BICD1: variants seen among roughly 807,000 people sequenced by gnomAD.
The protein encoded by BICD1 is protein bicaudal D homolog 1.
BICD1 carries 35 observed loss-of-function variants against 92.5 expected under a neutral mutation model. The ratio of observed to expected loss-of-function variants is 0.38; its 90% confidence interval spans 0.29 to 0.50. The LOEUF (loss-of-function observed/expected upper bound fraction) is 0.50, where lower values mean the gene tolerates loss of function less well. Among genes scored for constraint, BICD1 ranks in the 20% least tolerant of loss-of-function variants. The pLI is 0.93. For missense variants in BICD1, 950 were observed against 1,189.8 expected (o/e 0.80, Z 2.97); for synonymous variants, 429 against 465.1 (o/e 0.92, Z 1.00).
intron 4 of BICD1, among the ~76,000 whole-genome samples, chr12:32,319,297 A>G (rs1352135821): frequency 6.6e-6 from 1 of 152,172 alleles, no homozygotes; most frequent in African/African-American, 2.4e-5. Flanking sequence ...TTTTATTATC[A>G]CAAATGGATA....
At chr12:32,179,065 A>G (rs1944199823) in intron 1 of BICD1, among the ~76,000 whole-genome samples, 1 of 152,022 alleles carries the variant, frequency 6.6e-6, no homozygotes, top group Admixed American at 6.6e-5. Flanking sequence ...GGATATATGG[A>G]GTATTAACTG....
chr12:32,280,885 T>G (rs1151038), intron 2 of BICD1, among the ~76,000 whole-genome samples: 96,420 of 152,072 alleles, frequency 0.63, 30,787 homozygotes, highest in South Asian at 0.71. Flanking sequence ...GCTACCTTTG[T>G]ATTGTTCAAA....
chr12:32,332,075 C>T (rs1325793793), intron 5 of BICD1, among the ~76,000 whole-genome samples: 1 of 152,164 alleles, frequency 6.6e-6, no homozygotes, highest in Non-Finnish European at 1.5e-5. Context: ...TTTACAGGGA[C>T]ATGGTTGGAG....
chr12:32,167,941 A>G (rs1315747909), intron 1 of BICD1, among the ~76,000 whole-genome samples: 1 of 151,746 alleles, frequency 6.6e-6, no homozygotes, highest in Admixed American at 6.6e-5. Context: ...CCTTGTGATT[A>G]TTTTCCTCAT....
chr12:32,320,564 C>T (rs1410567548), intron 4 of BICD1, among the ~76,000 whole-genome samples: 1 of 152,030 alleles, frequency 6.6e-6, no homozygotes, highest in African/African-American at 2.4e-5. Context: ...ATTGCTTGAA[C>T]TGGGAGGCAG....
chr12:32,183,247 C>T (rs528628006), intron 1 of BICD1, among the ~76,000 whole-genome samples: 1 of 148,472 alleles, frequency 6.7e-6, no homozygotes, highest in African/African-American at 2.5e-5. Context: ...GCTTTTAGGC[C>T]ATTTTACTAA....
At chr12:32,125,593 C>T (rs866202670) in intron 1 of BICD1, among the ~76,000 whole-genome samples, 9 of 152,188 alleles carry the variant, frequency 5.9e-5, no homozygotes, top group African/African-American at 7.2e-5. Flanking sequence ...ATACAGTGGT[C>T]CTGTGGTCTA....
chr12:32,160,234 G>C (rs1943560774), intron 1 of BICD1, among the ~76,000 whole-genome samples: 1 of 152,160 alleles, frequency 6.6e-6, no homozygotes, highest in South Asian at 2.1e-4. Context: ...CCTTTGCCAG[G>C]CAGCCTCGGC....
chr12:32,231,922 A>G (rs976306101), intron 2 of BICD1, among the ~76,000 whole-genome samples: 1 of 151,504 alleles, frequency 6.6e-6, no homozygotes, highest in African/African-American at 2.4e-5. Context: ...TGAACTCATC[A>G]TTTTTTATGG....
intron 1 of BICD1, among the ~76,000 whole-genome samples, chr12:32,156,419 T>C (rs139268387): frequency 2.3e-4 from 35 of 152,296 alleles, no homozygotes; most frequent in African/African-American, 7.7e-4. Flanking sequence ...TAAAGAGATA[T>C]AGCCGAGGGC....
intron 2 of BICD1, among the ~76,000 whole-genome samples, chr12:32,252,668 G>T (rs1946599879): frequency 6.6e-6 from 1 of 152,118 alleles, no homozygotes; most frequent in Non-Finnish European, 1.5e-5. Flanking sequence ...TTATGTCCTG[G>T]AAATCCCTGG....
At chr12:32,367,877 T>C (rs1334939592) in intron 9 of BICD1, 132 bp downstream of exon 9, 2 of 796,182 alleles carry the variant, frequency 2.5e-6, no homozygotes, top group African/African-American at 1.7e-5. Context: ...GTGGGCTACA[T>C]AGACACACAT....
intron 1 of BICD1, among the ~76,000 whole-genome samples, chr12:32,115,503 C>G (rs949086769): frequency 2.0e-5 from 3 of 151,366 alleles, no homozygotes; most frequent in African/African-American, 7.3e-5. Flanking sequence ...CGAGACAAAG[C>G]TGCATTTTTA....
chr12:32,202,158 T>TA (rs1165066369), intron 1 of BICD1, among the ~76,000 whole-genome samples: 2 of 152,134 alleles, frequency 1.3e-5, no homozygotes, highest in Non-Finnish European at 2.9e-5. Context: ...GGGGAGGACT[T>TA]AGAGAGAGGA....
intron 2 of BICD1, among the ~76,000 whole-genome samples, chr12:32,235,458 T>C (rs1236564203): frequency 2.7e-5 from 4 of 149,874 alleles, no homozygotes; most frequent in Admixed American, 1.3e-4. Flanking sequence ...TCTGAAAAGA[T>C]CCTTTATGGC....
At chr12:32,196,641 G>C (rs1392361179) in intron 1 of BICD1, among the ~76,000 whole-genome samples, 1 of 152,176 alleles carries the variant, frequency 6.6e-6, no homozygotes, top group Admixed American at 6.5e-5. Context: ...GATTAGGGGA[G>C]ATATTAGTCA....
intron 2 of BICD1, among the ~76,000 whole-genome samples, chr12:32,245,293 C>A (rs1205918158): frequency 6.7e-6 from 1 of 149,416 alleles, no homozygotes; most frequent in Non-Finnish European, 1.5e-5. Flanking sequence ...GTCCCCCAGG[C>A]TGGAGTGCAG....
chr12:32,340,990 T>C (rs1335020009), intron 8 of BICD1, among the ~76,000 whole-genome samples: 1 of 152,228 alleles, frequency 6.6e-6, no homozygotes, highest in Non-Finnish European at 1.5e-5. Flanking sequence ...GGTATATCAA[T>C]GTACTAAAAG....
chr12:32,149,217 C>T (rs10844138), intron 1 of BICD1, among the ~76,000 whole-genome samples: 50,611 of 151,626 alleles, frequency 0.33, 8,878 homozygotes, highest in Admixed American at 0.49. Context: ...TAAAGACATA[C>T]TAAATATAGA....
Sources: allele counts gnomAD v4.1 joint callset (sites outside exome capture counted in the v4.1 genomes callset), GRCh38; gene constraint gnomAD v4.1.1; transcripts MANE v1.5; gene names NCBI Gene and HGNC (gene_info 2026-07-23, HGNC 2026-07-21).